The following MAGI3 variants were observed in gnomAD, a reference collection of about 807,000 sequenced individuals.
The protein encoded by MAGI3 is membrane associated guanylate kinase, WW and PDZ domain containing 3, also known as membrane-associated guanylate kinase, WW and PDZ domain-containing protein 3.
In MAGI3, 43 loss-of-function variants were observed where a neutral mutation model predicts 121.8. That is an observed-to-expected ratio of 0.35 (90% CI 0.28 to 0.46). The LOEUF is 0.46. MAGI3 is among the 20% of genes least tolerant of loss of function. The probability of loss-of-function intolerance (pLI) is 1.00; values close to 1 mark genes in which losing one functional copy is unlikely to be tolerated. For missense variants in MAGI3, 1,547 were observed against 1,797.3 expected, an observed-to-expected ratio of 0.86 and a Z score of 2.52; for synonymous variants, 553 against 639.3, an observed-to-expected ratio of 0.86 and a Z score of 2.04.
intron 1 of MAGI3, among the ~76,000 whole-genome samples, chr1:113,406,090 T>C (rs1339776900): frequency 6.6e-6 from 1 of 151,828 alleles, no homozygotes; most frequent in Non-Finnish European, 1.5e-5. Flanking sequence ...TTTTAGAGAT[T>C]TGAACTGGAT....
intron 1 of MAGI3, among the ~76,000 whole-genome samples, chr1:113,429,691 C>T (rs375052431): frequency 6.6e-6 from 1 of 152,032 alleles, no homozygotes; most frequent in African/African-American, 2.4e-5. Context: ...AGACTGGGCC[C>T]GTGACCAGTT....
chr1:113,646,788 T>A, intron 12 of MAGI3, 146 bp downstream of exon 12: 2 of 601,540 alleles, frequency 3.3e-6, no homozygotes, highest in Non-Finnish European at 2.6e-6. Context: ...TTCTTCCATG[T>A]ATATTCGACA....
Position 113,685,620 on chromosome 1 carries a change from G to A in MAGI3, c.*1606G>A, listed in dbSNP as rs180962624. 111 of 152,396 alleles carry A rather than the reference G, an allele frequency of 7.3e-4. No individual in the cohort carries two copies. Among genetic ancestry groups the A allele is most frequent in the African/African-American group, 2.5e-3 (104 of 41,532 alleles). 9.4% of individuals were successfully genotyped at this position (152,396 alleles called of 1,614,324 possible). A position where few individuals can be genotyped will look rare whatever the true frequency, so the allele number is the denominator to read the frequency against. Reference sequence around the variant, plus strand: ...AGGCTTGATAAATACTAAGAATTTAGTACCACAGAAATTATTTATTATTTT... The same window carrying A: ...AGGCTTGATAAATACTAAGAATTTAATACCACAGAAATTATTTATTATTTT... On this transcript the variant is annotated 3_prime_UTR_variant, in exon 21 of 21. Coordinates refer to ENST00000307546, the MANE Select transcript of MAGI3 (RefSeq NM_001142782.2).
rs201685366 is a variant in MAGI3 at position 113,416,183 on chromosome 1, TATTA to T, written c.316+24839_316+24842del. The stretch of plus-strand genomic sequence containing the variant: ...ATATTATTATGTAATTAATGACACA[TATTA>T]ATTATGTAATTAATGACACATATTA... On this transcript the variant is annotated intron_variant, in intron 1 of 20. Coordinates refer to ENST00000307546, the MANE Select transcript of MAGI3 (RefSeq NM_001142782.2). Among the ~76,000 whole-genome samples, 435 of 75,440 alleles carry T rather than the reference TATTA, an allele frequency of 5.8e-3. 102 individuals carry two copies. Among genetic ancestry groups the T allele is most frequent in the East Asian group, 0.047 (83 of 1,784 alleles). 49.5% of individuals were successfully genotyped at this position (75,440 alleles called of 152,430 possible).
intron 1 of MAGI3, among the ~76,000 whole-genome samples, chr1:113,491,323 A>G (rs1373714627): frequency 6.6e-6 from 1 of 152,190 alleles, no homozygotes; most frequent in Non-Finnish European, 1.5e-5. Context: ...AGTTCTTTGA[A>G]ACTAATGAGA....
intron 1 of MAGI3, among the ~76,000 whole-genome samples, chr1:113,467,200 C>T (rs1418640378): frequency 6.6e-6 from 1 of 151,918 alleles, no homozygotes; most frequent in African/African-American, 2.4e-5. Context: ...CTTCATTGAT[C>T]CTTTGGTCAT....
intron 13 of MAGI3, 66 bp from the exon 14 acceptor site, chr1:113,650,948 G>A: frequency 7.0e-7 from 1 of 1,426,154 alleles, no homozygotes; most frequent in South Asian, 1.2e-5. Flanking sequence ...TGCTAAGTTA[G>A]GAATTCCTTA....
At chr1:113,585,071 GA>G (rs1648279378) in intron 3 of MAGI3, among the ~76,000 whole-genome samples, 1 of 145,984 alleles carries the variant, frequency 6.9e-6, no homozygotes, top group South Asian at 2.2e-4. Flanking sequence ...AGATTCAAGT[GA>G]TTTTCCTGCC....
At position 113,619,816 on chromosome 1, in the gene MAGI3, G is replaced by C; in HGVS notation, c.1157G>C (p.Gly386Ala). Residue 386 changes from glycine (G) to alanine (A), a missense_variant, in exon 8 of 21, where the codon GGG becomes GCG. Physicochemically the swap from Gly to Ala is moderately conservative, Grantham distance 60. Coordinates refer to ENST00000307546, the MANE Select transcript of MAGI3 (RefSeq NM_001142782.2). ...RKKQLGQVEI[G>A]SSKPDMEKSH... Reference sequence around the variant, plus strand: ...AAGCAGTTAGGACAGGTTGAAATTGGGTCTTCAAAACCAGGTAAGCATTCT... The same window carrying C: ...AAGCAGTTAGGACAGGTTGAAATTGCGTCTTCAAAACCAGGTAAGCATTCT... 6.2e-7 allele frequency: 1 copy of C among 1,609,770 alleles called. No individual in the cohort carries two copies. The highest frequency in any genetic ancestry group is 1.1e-5 in the South Asian group (1 of 90,412).
chr1:113,683,529 G>A lies in MAGI3; in HGVS notation c.3961G>A (p.Gly1321Ser), dbSNP rs1427089710. The change falls in exon 21 of 21, where the codon GGC (glycine) becomes AGC (serine). Residue 1321 changes from glycine (G) to serine (S), a missense_variant. By Grantham distance (56) the Gly-to-Ser change is moderately conservative (BLOSUM62 0). Coordinates refer to ENST00000307546, the MANE Select transcript of MAGI3 (RefSeq NM_001142782.2). ...GKSRRIAGYT[G>S]SNAEQIPDGK... is the part of the protein sequence containing the mutation. ...GAGTCGAAGAATAGCAGGCTATACG[G>A]GCAGTAATGCTGAGCAGATCCCAGA... 2 of 1,613,918 alleles carry A rather than the reference G, an allele frequency of 1.2e-6. No homozygotes were observed. The highest frequency in any genetic ancestry group is 1.3e-5 in the African/African-American group (1 of 75,018).
At chr1:113,554,006 T>TCAAA (rs767013543) in intron 2 of MAGI3, among the ~76,000 whole-genome samples, 1 of 152,178 alleles carries the variant, frequency 6.6e-6, no homozygotes, top group Non-Finnish European at 1.5e-5. Flanking sequence ...AGACTACGTC[T>TCAAA]CAAACAAACA....
At chr1:113,612,280 T>A (rs1458860041) in intron 6 of MAGI3, among the ~76,000 whole-genome samples, 2 of 152,172 alleles carry the variant, frequency 1.3e-5, no homozygotes, top group Non-Finnish European at 2.9e-5. Flanking sequence ...GCTTTCCTGA[T>A]AGCAATCTTA....
chr1:113,408,351 T>C (rs1651800030), intron 1 of MAGI3, among the ~76,000 whole-genome samples: 1 of 152,164 alleles, frequency 6.6e-6, no homozygotes, highest in South Asian at 2.1e-4. Context: ...TAGCTAGTAG[T>C]GTGAAGGGCA....
intron 11 of MAGI3, among the ~76,000 whole-genome samples, chr1:113,646,255 C>G (rs1652826780): frequency 6.6e-6 from 1 of 151,948 alleles, no homozygotes; most frequent in South Asian, 2.1e-4. Context: ...CTAACTAAGG[C>G]TCTTCAGTTG....
chr1:113,642,336 C>A lies in MAGI3; in HGVS notation c.1786C>A (p.Pro596Thr), dbSNP rs1026189473. Residue 596 changes from proline to threonine, a missense_variant, in exon 10 of 21, where the codon CCT becomes ACT. Transcript: ENST00000307546. Reference protein sequence around the residue: ...KGFGFAIADSPTGQKVKMILD... With the variant: ...KGFGFAIADSTTGQKVKMILD... ...GTTTGGGTTTGCAATTGCTGACAGCCCTACTGGACAGAAGGTGAAAATGAT... is the reference window on the plus strand; with the variant it reads ...GTTTGGGTTTGCAATTGCTGACAGCACTACTGGACAGAAGGTGAAAATGAT... The A allele has an allele frequency of 4.3e-6, 7 of 1,614,046 alleles. No individual in the cohort carries two copies. The highest frequency in any genetic ancestry group is 5.9e-6 in the Non-Finnish European group (7 of 1,180,006).
chr1:113,627,107 C>G (rs1030941982), intron 9 of MAGI3, among the ~76,000 whole-genome samples: 2 of 151,832 alleles, frequency 1.3e-5, no homozygotes, highest in African/African-American at 2.4e-5. Context: ...TGCTGTATCC[C>G]ATAGGTTTTG....
At chr1:113,644,958 C>A (rs1652751801) in intron 11 of MAGI3, among the ~76,000 whole-genome samples, 1 of 151,672 alleles carries the variant, frequency 6.6e-6, no homozygotes, top group South Asian at 2.1e-4. Flanking sequence ...TTCTAGCCCA[C>A]CAAGTAGGAA....
chr1:113,637,999 C>G (rs892213059), intron 9 of MAGI3, among the ~76,000 whole-genome samples: 2 of 152,176 alleles, frequency 1.3e-5, no homozygotes, highest in Non-Finnish European at 2.9e-5. Context: ...ATCACTGATA[C>G]CCTTTCTTTC....
chr1:113,623,375 C>G (rs539633311), intron 9 of MAGI3, among the ~76,000 whole-genome samples: 9 of 149,818 alleles, frequency 6.0e-5, no homozygotes, highest in African/African-American at 2.0e-4. Flanking sequence ...TTATCAAAAA[C>G]TAGGTCTTAT....
Sources: allele counts gnomAD v4.1 joint callset (sites outside exome capture counted in the v4.1 genomes callset), GRCh38; gene constraint gnomAD v4.1.1; transcripts MANE v1.5; gene names NCBI Gene and HGNC (gene_info 2026-07-23, HGNC 2026-07-21).